Variants in CIB1 observed in about 807,000 individuals in gnomAD.
CIB1 encodes calcium and integrin binding 1.
CIB1 carries 19 observed loss-of-function variants against 25.0 expected under a neutral mutation model. The ratio of observed to expected loss-of-function variants is 0.76; its 90% CI spans 0.53 to 1.12. CIB1 has a LOEUF of 1.12. Ranked by LOEUF, CIB1 falls within the 50% of genes most tolerant of loss-of-function variation. The pLI, the probability that CIB1 is intolerant of heterozygous loss-of-function variation, is 0.00. For missense variants in CIB1, 236 were observed against 242.6 expected, an observed-to-expected ratio of 0.97 and a Z score of 0.18; for synonymous variants, 104 against 98.5, an observed-to-expected ratio of 1.06 and a Z score of -0.33.
In CIB1 at chr15:90,232,222, G is replaced by T. The variant is rs761342358; in HGVS notation, c.192C>A (p.Leu64=). Residue 64 remains leucine, a synonymous_variant, in exon 3 of 7, where the codon CTC becomes CTA. Transcript: ENST00000328649. ...PFEQILSLPE[L]KANPFKERIC... is the part of the protein sequence containing the mutation. The stretch of plus-strand genomic sequence containing the variant: ...CAAAGGAGGGGAGCGCTTGCACCTT[G>T]AGCTCTGGAAGGCTGAGAATCTGCT... The T allele has an allele frequency of 4.3e-6, 7 of 1,609,290 alleles. No homozygotes were observed. Among genetic ancestry groups the T allele is most frequent in the Middle Eastern group, 1.7e-4 (1 of 6,046 alleles).
Position 90,230,327 on chromosome 15 carries a change from A to T in CIB1, c.*157T>A. The T allele has an allele frequency of 1.4e-6, 1 of 734,084 alleles. No homozygotes were observed. The highest frequency in any genetic ancestry group is 2.3e-6 in the Non-Finnish European group (1 of 432,738). The allele number at this position is 734,084 out of a possible 1,614,324, so 45.5% of individuals were successfully genotyped here. ...ACAACAGCAGTGAGGAGAGGCCCTG[A>T]CAACGAGGGCCGCCCCTGCCCGGGG... On this transcript the variant is annotated 3_prime_UTR_variant, in exon 7 of 7. Coordinates refer to ENST00000328649, the MANE Select transcript of CIB1 (RefSeq NM_006384.4).
the CIB1 span, chr15:90,250,517 TA>T: frequency 7.4e-7 from 1 of 1,346,026 alleles, no homozygotes; most frequent in Non-Finnish European, 1.0e-6. Flanking sequence ...CTTTCCCTTA[TA>T]ACAGCATGAA....
intron 6 of CIB1, 76 bp from the exon 7 acceptor site, chr15:90,230,581 C>T: frequency 7.0e-7 from 1 of 1,436,614 alleles, no homozygotes. Flanking sequence ...CCCCCTTCTC[C>T]CTTTAGACCC....
chr15:90,236,844 G>C (rs1307785759), upstream of CIB1, among the ~76,000 whole-genome samples: 5 of 152,012 alleles, frequency 3.3e-5, no homozygotes, highest in African/African-American at 1.2e-4. Flanking sequence ...TTATTAAATG[G>C]GCAGTCTGAA....
chr15:90,257,356 GGTTT>G, the CIB1 span: 2 of 1,523,694 alleles, frequency 1.3e-6, no homozygotes, highest in Non-Finnish European at 1.8e-6. Flanking sequence ...ATGGTAGAGA[GGTTT>G]GTCACTGTCA....
At chr15:90,264,200 C>G in the CIB1 span, 4 of 605,980 alleles carry the variant, frequency 6.6e-6, no homozygotes, top group Non-Finnish European at 1.1e-5. Flanking sequence ...TTATTTACTC[C>G]TTTTTTTTTG....
the CIB1 span, chr15:90,263,987 A>C: frequency 1.1e-5 from 17 of 1,535,938 alleles, no homozygotes; most frequent in East Asian, 3.9e-4. Context: ...GCAGCCATCA[A>C]CTCCTGTTCA....
the CIB1 span, among the ~76,000 whole-genome samples, chr15:90,253,615 G>C: frequency 6.6e-6 from 1 of 152,150 alleles, no homozygotes; most frequent in South Asian, 2.1e-4. Flanking sequence ...TTGCTTGGTG[G>C]CATCTGTGTG....
chr15:90,256,610 C>CTTTCTCT, the CIB1 span, among the ~76,000 whole-genome samples: 4 of 40,468 alleles, frequency 9.9e-5, no homozygotes, highest in Admixed American at 3.3e-4. Context: ...TCTTTCTTTC[C>CTTTCTCT]TTCCTTCCTT....
upstream of CIB1, among the ~76,000 whole-genome samples, chr15:90,234,766 A>T (rs567590729): frequency 7.6e-4 from 115 of 151,808 alleles, 2 homozygotes; most frequent in South Asian, 0.011. Context: ...ACTCCATCTC[A>T]CCCCTAGACT....
chr15:90,238,234 A>G (rs1181076764), upstream of CIB1, among the ~76,000 whole-genome samples: 2 of 152,178 alleles, frequency 1.3e-5, no homozygotes, highest in African/African-American at 4.8e-5. Context: ...TGGGTGGTGG[A>G]GGTTGCAGTG....
the CIB1 span, chr15:90,251,022 C>T: frequency 1.4e-5 from 17 of 1,193,358 alleles, no homozygotes; most frequent in Non-Finnish European, 2.0e-5. Context: ...GCTGGAGTGT[C>T]ATTAACCCTT....
the CIB1 span, chr15:90,258,391 TG>T: frequency 1.2e-6 from 1 of 847,380 alleles, no homozygotes; most frequent in East Asian, 2.4e-5. Context: ...AGCCCTGGGG[TG>T]GGCAGGAATG....
At chr15:90,241,340 C>A in the CIB1 span, 1 of 1,614,230 alleles carries the variant, frequency 6.2e-7, no homozygotes, top group South Asian at 1.1e-5. Context: ...AGCCTGATCT[C>A]CCTGGGACTC....
the CIB1 span, chr15:90,250,969 G>A: frequency 5.3e-6 from 8 of 1,516,648 alleles, 1 homozygote; most frequent in Middle Eastern, 9.8e-4. Flanking sequence ...GAGGAGCTGG[G>A]ATCTCAGATC....
the CIB1 span, chr15:90,250,657 G>A: frequency 6.2e-7 from 1 of 1,614,080 alleles, no homozygotes; most frequent in Non-Finnish European, 8.5e-7. Context: ...GTAGGACCAT[G>A]GAATCAGAGG....
chr15:90,259,003 T>C, the CIB1 span: 11 of 1,609,550 alleles, frequency 6.8e-6, no homozygotes, highest in Non-Finnish European at 8.5e-6. Context: ...ATGAAGAATG[T>C]GGCCTGGGGC....
intron 1 of CIB1, 62 bp from the exon 2 acceptor site, chr15:90,233,765 C>T (rs1962566045): frequency 3.9e-6 from 6 of 1,552,380 alleles, no homozygotes; most frequent in East Asian, 4.9e-5. Context: ...CGCCCCGCAG[C>T]CAGCTCCCGG....
At chr15:90,263,976 G>A in the CIB1 span, 81 of 1,536,010 alleles carry the variant, frequency 5.3e-5, no homozygotes, top group African/African-American at 5.7e-4. Context: ...CAGGAGAGCC[G>A]GCAGCCATCA....
Sources: allele counts gnomAD v4.1 joint callset (sites outside exome capture counted in the v4.1 genomes callset), GRCh38; gene constraint gnomAD v4.1.1; transcripts MANE v1.5; gene names NCBI Gene and HGNC (gene_info 2026-07-23, HGNC 2026-07-21).